Variants in KALRN observed in about 807,000 individuals in gnomAD.
KALRN encodes kalirin.
KALRN carries 70 observed loss-of-function variants against 353.7 expected under a neutral mutation model. The ratio of observed to expected loss-of-function variants is 0.20; its 90% CI spans 0.16 to 0.24. The LOEUF (loss-of-function observed/expected upper bound fraction) is 0.24, where lower values mean the gene tolerates loss of function less well. Among genes scored for constraint, KALRN ranks in the 10% least tolerant of loss-of-function variants. KALRN has a pLI of 1.00. For synonymous variants in KALRN, 1,391 were observed against 1,434.8 expected, an observed-to-expected ratio of 0.97 and a Z score of 0.69; for missense variants, 2,791 against 3,756.7, an observed-to-expected ratio of 0.74 and a Z score of 6.72.
At chr3:124,169,380 A>G (rs1055864223) in intron 1 of KALRN, among the ~76,000 whole-genome samples, 1 of 152,168 alleles carries the variant, frequency 6.6e-6, no homozygotes. Flanking sequence ...GGATCTCCCT[A>G]CAGGGTAAGG....
chr3:124,149,357 G>A (rs1218609069), intron 1 of KALRN, among the ~76,000 whole-genome samples: 8 of 152,256 alleles, frequency 5.3e-5, no homozygotes, highest in South Asian at 2.1e-4. Context: ...TAGGAGTCTT[G>A]GCACCTACCT....
At position 124,298,847 on chromosome 3, in the gene KALRN, C is replaced by T. The variant is rs776132666; in HGVS notation, c.1026C>T (p.Ile342=). The change falls in exon 6 of 60, where the codon ATC becomes ATT. Residue 342 remains isoleucine (I), a synonymous_variant. Transcript: ENST00000682506. The stretch of plus-strand genomic sequence containing the variant: ...TATTCCTCCAGAGCCACACGGAGAT[C>T]GGAGTCAGCTACCAGTACGCCCTTG... The part of the protein sequence containing the change: ...KELFLQSHTE[I]GVSYQYALDL... The T allele has an allele frequency of 1.3e-5, 21 of 1,613,984 alleles. No individual in the cohort carries two copies. Among genetic ancestry groups the T allele is most frequent in the East Asian group, 2.2e-5 (1 of 44,896 alleles).
chr3:124,083,855 A>G (rs1050731110), intron 1 of KALRN, among the ~76,000 whole-genome samples: 3 of 152,224 alleles, frequency 2.0e-5, no homozygotes, highest in African/African-American at 7.2e-5. Flanking sequence ...AACTTCTGGC[A>G]TATCCTAATT....
chr3:124,234,748 C>G (rs1027605567), intron 2 of KALRN, 81 bp from the exon 3 acceptor site: 2 of 1,078,716 alleles, frequency 1.9e-6, no homozygotes. Context: ...TCACCCAGCA[C>G]TCAGACAGAT....
At chr3:124,320,544 A>C (rs2079220841) in intron 6 of KALRN, among the ~76,000 whole-genome samples, 1 of 152,186 alleles carries the variant, frequency 6.6e-6, no homozygotes, top group Admixed American at 6.5e-5. Flanking sequence ...ACCTTTTGTA[A>C]TACAGTTTGT....
chr3:124,149,100 G>C (rs1362073885), intron 1 of KALRN, among the ~76,000 whole-genome samples: 2 of 152,192 alleles, frequency 1.3e-5, no homozygotes, highest in Non-Finnish European at 2.9e-5. Context: ...GAAAAATAGA[G>C]CTGGGACTGA....
chr3:124,708,252 A>G (rs1353950174), intron 57 of KALRN, among the ~76,000 whole-genome samples: 3 of 152,372 alleles, frequency 2.0e-5, no homozygotes, highest in Admixed American at 6.5e-5. Flanking sequence ...ACATTACAAA[A>G]AGCAGAAAAA....
intron 3 of KALRN, among the ~76,000 whole-genome samples, chr3:124,237,091 C>G (rs556435905): frequency 6.6e-6 from 1 of 152,318 alleles, no homozygotes; most frequent in Non-Finnish European, 1.5e-5. Context: ...TTGGATGGAA[C>G]AGGATTGTTC....
At chr3:124,364,553 G>C (rs145611031) in intron 10 of KALRN, among the ~76,000 whole-genome samples, 1,713 of 152,350 alleles carry the variant, frequency 0.011, 16 homozygotes, top group Middle Eastern at 0.037. Flanking sequence ...GGGAGCCAGA[G>C]GTCCCAGATG....
chr3:124,164,399 T>C (rs1229430790), intron 1 of KALRN: 1 of 152,224 alleles, frequency 6.6e-6, no homozygotes, highest in East Asian at 1.9e-4. Context: ...GGGAATTCTG[T>C]CCTGCAAATG....
chr3:124,689,507 A>G (rs1342446300), intron 51 of KALRN, among the ~76,000 whole-genome samples: 1 of 152,098 alleles, frequency 6.6e-6, no homozygotes, highest in East Asian at 1.9e-4. Flanking sequence ...CCAGCCCACA[A>G]CCACTATTTT....
intron 34 of KALRN, among the ~76,000 whole-genome samples, chr3:124,622,631 C>G (rs980799294): frequency 6.6e-6 from 1 of 152,174 alleles, no homozygotes; most frequent in African/African-American, 2.4e-5. Flanking sequence ...CAGCCTACCC[C>G]TTGCAAAGAC....
At chr3:124,450,564 T>C (rs1332316282) in intron 21 of KALRN, among the ~76,000 whole-genome samples, 1 of 124,172 alleles carries the variant, frequency 8.1e-6, no homozygotes, top group African/African-American at 3.7e-5. Context: ...TCTGAGACTC[T>C]TTTTTTTTTT....
At chr3:124,487,771 T>C (rs1338276565) in intron 28 of KALRN, among the ~76,000 whole-genome samples, 1 of 152,226 alleles carries the variant, frequency 6.6e-6, no homozygotes, top group African/African-American at 2.4e-5. Context: ...GCAGTAAGCA[T>C]GCAGGGATAT....
intron 47 of KALRN, among the ~76,000 whole-genome samples, chr3:124,669,618 G>A (rs1373264858): frequency 3.3e-5 from 5 of 152,202 alleles, no homozygotes; most frequent in Non-Finnish European, 7.3e-5. Flanking sequence ...TTTAGGCATA[G>A]TCAATGATTC....
At chr3:124,380,659 C>T (rs1182316353) in intron 10 of KALRN, among the ~76,000 whole-genome samples, 1 of 152,210 alleles carries the variant, frequency 6.6e-6, no homozygotes, top group Non-Finnish European at 1.5e-5. Context: ...CAGACTCTGG[C>T]TTTGAGTCAA....
intron 4 of KALRN, among the ~76,000 whole-genome samples, chr3:124,265,527 A>G (rs2073420752): frequency 6.6e-6 from 1 of 151,558 alleles, no homozygotes; most frequent in Non-Finnish European, 1.5e-5. Context: ...TCCTTACCTC[A>G]GGTCATCTGC....
chr3:124,462,009 C>A, intron 24 of KALRN, 53 bp downstream of exon 24: 1 of 1,360,194 alleles, frequency 7.4e-7, no homozygotes, highest in Non-Finnish European at 1.0e-6. Flanking sequence ...GACATCCTTG[C>A]CAGCATCAAG....
intron 17 of KALRN, among the ~76,000 whole-genome samples, chr3:124,436,892 A>T (rs539633478): frequency 2.5e-4 from 36 of 145,048 alleles, no homozygotes; most frequent in Middle Eastern, 3.7e-3. Flanking sequence ...TTCTCATGTG[A>T]TGCTAGAGAT....
Sources: allele counts gnomAD v4.1 joint callset (sites outside exome capture counted in the v4.1 genomes callset), GRCh38; gene constraint gnomAD v4.1.1; transcripts MANE v1.5; gene names NCBI Gene and HGNC (gene_info 2026-07-23, HGNC 2026-07-21).